Variants in TOP3A observed in about 807,000 individuals in gnomAD.
TOP3A encodes DNA topoisomerase III alpha.
A neutral mutation model predicts 111.3 loss-of-function variants in TOP3A; 64 were observed. That is an observed-to-expected ratio of 0.57 (90% CI 0.47 to 0.71). The LOEUF (loss-of-function observed/expected upper bound fraction) is 0.71, where lower values mean the gene tolerates loss of function less well. TOP3A is among the 30% of genes least tolerant of loss of function. The pLI is 0.00. For synonymous variants in TOP3A, 484 were observed against 485.1 expected, an observed-to-expected ratio of 1.00 and a Z score of 0.03; for missense variants, 1,104 against 1,285.0, an observed-to-expected ratio of 0.86 and a Z score of 2.15.
intron 1 of TOP3A, among the ~76,000 whole-genome samples, chr17:18,310,118 T>C: frequency 6.6e-6 from 1 of 152,124 alleles, no homozygotes; most frequent in East Asian, 1.9e-4. Context: ...TGATAGAATA[T>C]TATTCAGCCA....
In TOP3A at chr17:18,314,682, C is replaced by G; in HGVS notation, c.97G>C (p.Val33Leu). The change falls in exon 1 of 19, where the codon GTG (valine) becomes CTG (leucine). Residue 33 changes from valine to leucine, a missense_variant. Coordinates refer to ENST00000321105, the MANE Select transcript of TOP3A (RefSeq NM_004618.5). The stretch of plus-strand genomic sequence containing the variant: ...TCGGCCACACAGAGGACTTTCCGCA[C>G]GCCTCGGAGGGCCATCTCCATGGCG... ...RAAMEMALRG[V>L]RKVLCVAEKN... 2 of 1,613,052 alleles carry G rather than the reference C, an allele frequency of 1.2e-6. No homozygotes were observed. The highest frequency in any genetic ancestry group is 1.1e-5 in the South Asian group (1 of 90,894).
intron 13 of TOP3A, among the ~76,000 whole-genome samples, chr17:18,288,148 TAAA>T (rs1567739451): frequency 1.3e-4 from 17 of 132,256 alleles, no homozygotes; most frequent in African/African-American, 3.8e-4. Context: ...TATATATATA[TAAA>T]TTTTTTTTTT....
At chr17:18,303,160 G>A (rs2142984782) in intron 5 of TOP3A, 1 of 156,080 alleles carries the variant, frequency 6.4e-6, no homozygotes, top group Non-Finnish European at 1.4e-5. Flanking sequence ...GGCCTGTGCA[G>A]GATGTGCTTT....
rs1980549296 is a variant in TOP3A, at chr17:18,292,634, G to C, written c.1281+11C>G. ...TGGGTTCCAGCAGGCAGTACATTCA[G>C]GGAAACCAACCTGTAAGTTGTTGGT... On this transcript the variant is annotated intron_variant, in intron 11 of 18. Transcript: ENST00000321105. 2 of 1,543,710 alleles carry C rather than the reference G, an allele frequency of 1.3e-6. No homozygotes were observed. The highest frequency in any genetic ancestry group is 2.5e-5 in the South Asian group (2 of 80,770).
In TOP3A at chr17:18,302,085, CA is replaced by C. The variant is rs1040366133; in HGVS notation, c.815-101del. The C allele has an allele frequency of 8.6e-5, 120 of 1,390,008 alleles. No homozygotes were observed. The African/African-American group carries it at 1.6e-3, about 19-fold the overall frequency. The allele number at this position is 1,390,008 out of a possible 1,614,324, so 86.1% of individuals were successfully genotyped here. The stretch of plus-strand genomic sequence containing the variant: ...ATTGTGGTGAAAGTCAAACGAATAT[CA>C]AATAGGGAGGAGTTTCTGGATAACA... On this transcript the variant is annotated intron_variant, in intron 7 of 18. Transcript: ENST00000321105.
At chr17:18,292,460 G>A (rs942793651) in intron 11 of TOP3A, among the ~76,000 whole-genome samples, 185 bp downstream of exon 11, 1 of 152,198 alleles carries the variant, frequency 6.6e-6, no homozygotes, top group Non-Finnish European at 1.5e-5. Flanking sequence ...GGATTAAGAC[G>A]GGGGCCCACC....
intron 15 of TOP3A, 46 bp from the exon 16 acceptor site, chr17:18,282,887 CA>C: frequency 6.2e-7 from 1 of 1,608,894 alleles, no homozygotes. Flanking sequence ...GCAATCGCTG[CA>C]AAGGCACCTA....
Position 18,271,848 on chromosome 17 carries a change from A to G in TOP3A, c.*2954T>C. 2.4e-6 allele frequency: 1 copy of G among 410,296 alleles called. No individual in the cohort carries two copies. The highest frequency in any genetic ancestry group is 4.9e-6 in the Non-Finnish European group (1 of 205,698). The allele number at this position is 410,296 out of a possible 1,614,324, so 25.4% of individuals were successfully genotyped here. ...GAGGCCGAGGCTGGTAGATCACCTG[A>G]GGTCACGAGTTTGAGACCAGCCTGG... On this transcript the variant is annotated 3_prime_UTR_variant, in exon 19 of 19. Transcript: ENST00000321105.
Position 18,314,862 on chromosome 17 carries a change from G to T in TOP3A, c.-84C>A. 9.8e-7 allele frequency: 1 copy of T among 1,025,450 alleles called. No homozygotes were observed. Among genetic ancestry groups the T allele is most frequent in the East Asian group, 3.1e-5 (1 of 31,958 alleles). 63.5% of individuals were successfully genotyped at this position (1,025,450 alleles called of 1,614,324 possible). A position where few individuals can be genotyped will look rare whatever the true frequency, so the allele number is the denominator to read the frequency against. Reference sequence around the variant, plus strand: ...AGATGAGGCTCAAATGGCGCCCACCGAAAGGGAACCAGAGCCTCGCTTCGG... The same window carrying T: ...AGATGAGGCTCAAATGGCGCCCACCTAAAGGGAACCAGAGCCTCGCTTCGG... On this transcript the variant is annotated 5_prime_UTR_variant, in exon 1 of 19. Transcript: ENST00000321105.
At chr17:18,313,455 G>A (rs1444710085) in intron 1 of TOP3A, 4 of 158,308 alleles carry the variant, frequency 2.5e-5, no homozygotes, top group Non-Finnish European at 5.6e-5. Flanking sequence ...CTGTTCCATT[G>A]AGGGAAGTAC....
chr17:18,274,996 G>A lies in TOP3A; in HGVS notation c.2828-16C>T. 1 of 1,611,704 alleles carries A rather than the reference G, an allele frequency of 6.2e-7. No individual in the cohort carries two copies. Among genetic ancestry groups the A allele is most frequent in the Middle Eastern group, 1.7e-4 (1 of 5,860 alleles). On this transcript the variant is annotated splice_polypyrimidine_tract_variant and intron_variant, in intron 18 of 18. Transcript: ENST00000321105. ...CCAGAAGTCCCTGTCGGGAGAGTCAGGGGAGGGGTGAGGTTAGAACTGACA... is the reference window on the plus strand; with the variant it reads ...CCAGAAGTCCCTGTCGGGAGAGTCAAGGGAGGGGTGAGGTTAGAACTGACA...
intron 18 of TOP3A, among the ~76,000 whole-genome samples, chr17:18,276,037 T>C (rs1309124207): frequency 6.6e-6 from 1 of 152,132 alleles, no homozygotes; most frequent in Non-Finnish European, 1.5e-5. Flanking sequence ...AAGGTTGAGG[T>C]GCGATGTGCC....
At position 18,274,556 on chromosome 17, in the gene TOP3A, G is replaced by A. The variant is rs1258881048; in HGVS notation, c.*246C>T. ...TTGGGGGGTCCGAGGGAGCAGCTGC[G>A]TGACTTTTCAGCAGTGGCTATGGTC... On this transcript the variant is annotated 3_prime_UTR_variant, in exon 19 of 19. Transcript: ENST00000321105. 5 of 444,506 alleles carry A rather than the reference G, an allele frequency of 1.1e-5. No homozygotes were observed. The highest frequency in any genetic ancestry group is 1.3e-4 in the South Asian group (2 of 15,466). 27.5% of individuals were successfully genotyped at this position (444,506 alleles called of 1,614,324 possible).
chr17:18,308,575 A>G, intron 2 of TOP3A, 151 bp from the exon 3 acceptor site: 2 of 563,750 alleles, frequency 3.5e-6, no homozygotes, highest in Non-Finnish European at 6.2e-6. Context: ...CTTCAAAGCC[A>G]AAAGTCACAG....
Position 18,278,257 on chromosome 17 carries a change from C to G in TOP3A, c.2245G>C (p.Asp749His), listed in dbSNP as rs764056770. The change falls in exon 18 of 19, where the codon GAC becomes CAC. Residue 749 changes from aspartate to histidine, a missense_variant. Transcript: ENST00000321105. Reference sequence around the variant, plus strand: ...GGGGGGCCCCCTGAAAATCTCAGGTCCAGGATCTCCCTCAGGGTGTCGTCG... The same window carrying G: ...GGGGGGCCCCCTGAAAATCTCAGGTGCAGGATCTCCCTCAGGGTGTCGTCG... ...GCDDTLREIL[D>H]LRFSGGPPRA... The G allele has an allele frequency of 2.6e-5, 40 of 1,564,810 alleles. No individual in the cohort carries two copies. The Middle Eastern group carries it at 8.6e-4, about 34-fold the overall frequency.
In TOP3A at chr17:18,292,805, A is replaced by C; in HGVS notation, c.1121T>G (p.Leu374Ter). The change falls in exon 11 of 19, where the codon TTA becomes TGA. Residue 374 changes from leucine to a stop codon, truncating the protein, a stop_gained. Coordinates refer to ENST00000321105, the MANE Select transcript of TOP3A (RefSeq NM_004618.5). LOFTEE classifies it high-confidence loss of function. ...RTETNIFPRD[L>*]NLTVLVEQQT... ...CTGTTCCACCAACACCGTCAGGTTTAAGTCTCTGGGAAAAATGTTTGTTTC... is the reference window on the plus strand; with the variant it reads ...CTGTTCCACCAACACCGTCAGGTTTCAGTCTCTGGGAAAAATGTTTGTTTC... 1 of 1,613,878 alleles carries C rather than the reference A, an allele frequency of 6.2e-7. No individual in the cohort carries two copies. The highest frequency in any genetic ancestry group is 8.5e-7 in the Non-Finnish European group (1 of 1,179,800).
chr17:18,305,486 A>ACACACACACACG (rs1164323613), intron 4 of TOP3A, among the ~76,000 whole-genome samples: 5 of 149,414 alleles, frequency 3.3e-5, no homozygotes, highest in Admixed American at 1.3e-4. Flanking sequence ...ACACACACAC[A>ACACACACACACG]CGCGCGCGCG....
intron 9 of TOP3A, 79 bp from the exon 10 acceptor site, chr17:18,294,864 G>C: frequency 1.0e-6 from 1 of 958,110 alleles, no homozygotes; most frequent in Non-Finnish European, 1.7e-6. Context: ...CTCATCTTCA[G>C]TCAAATCTGG....
intron 4 of TOP3A, among the ~76,000 whole-genome samples, chr17:18,306,241 TTAAC>T (rs1382600178): frequency 6.6e-6 from 1 of 152,162 alleles, no homozygotes; most frequent in Non-Finnish European, 1.5e-5. Context: ...TAAAAATAAA[TTAAC>T]TATACATGCC....
Sources: gnomAD v4.1 joint callset for allele counts (sites outside exome capture counted in the v4.1 genomes callset) on GRCh38, gnomAD v4.1.1 for gene constraint, MANE v1.5 for transcripts, NCBI Gene and HGNC (gene_info 2026-07-23, HGNC 2026-07-21) for gene names.